Variants in BBS2 observed in about 807,000 individuals in gnomAD.
BBS2 encodes BBSome complex member BBS2.
In BBS2, 62 loss-of-function variants were observed where a neutral mutation model predicts 83.0. The ratio of observed to expected loss-of-function variants is 0.75; its 90% confidence interval spans 0.61 to 0.92. BBS2 has a LOEUF of 0.92. BBS2 is among the 40% of genes least tolerant of loss of function. The pLI, the probability that BBS2 is intolerant of heterozygous loss-of-function variation, is 0.00. For missense variants in BBS2, 784 were observed against 901.0 expected, an observed-to-expected ratio of 0.87 and a Z score of 1.66; for synonymous variants, 303 against 326.1, an observed-to-expected ratio of 0.93 and a Z score of 0.76.
intron 17 of BBS2, among the ~76,000 whole-genome samples, chr16:56,471,549 C>T (rs1963185307): frequency 6.6e-6 from 1 of 152,192 alleles, no homozygotes; most frequent in Admixed American, 6.5e-5. Flanking sequence ...TTAGATGTTT[C>T]AGCACTTACT....
chr16:56,501,455 C>T lies in BBS2; in HGVS notation c.1123G>A (p.Gly375Ser), dbSNP rs1018314879. ...AGCCTGGTATTGGCTGGGATTATGC[C>T]CCGATGCCCATCAGCCTCGTTCAGT... ...SPLNEADGHR[G>S]IIPANTRLHT... Residue 375 changes from glycine (G) to serine (S), a missense_variant, in exon 10 of 17, where the codon GGC becomes AGC. Gly to Ser is a moderately conservative substitution (Grantham distance 56, BLOSUM62 0). Coordinates refer to ENST00000245157, the MANE Select transcript of BBS2 (RefSeq NM_031885.5). 1.2e-6 allele frequency: 2 copies of T among 1,614,068 alleles called. No homozygotes were observed. Among genetic ancestry groups the T allele is most frequent in the Middle Eastern group, 1.6e-4 (1 of 6,062 alleles).
At position 56,497,991 on chromosome 16, in the gene BBS2, T is replaced by C. The variant is rs1384003302; in HGVS notation, c.1660-111A>G. 6.3e-6 allele frequency: 7 copies of C among 1,119,534 alleles called. No individual in the cohort carries two copies. The East Asian group carries it at 1.2e-4, about 20-fold the overall frequency. 69.4% of individuals were successfully genotyped at this position (1,119,534 alleles called of 1,614,324 possible). ...AACAAAATTATTGTGCATATATATA[T>C]ATATGCAGTGTTGAAAAAGGAAAGT... On this transcript the variant is annotated intron_variant, in intron 13 of 16. Coordinates refer to ENST00000245157, the MANE Select transcript of BBS2 (RefSeq NM_031885.5).
chr16:56,516,957 T>C (rs1964768275), intron 1 of BBS2, among the ~76,000 whole-genome samples: 1 of 152,164 alleles, frequency 6.6e-6, no homozygotes, highest in Non-Finnish European at 1.5e-5. Context: ...AAAGTATCCA[T>C]CCAGTTACAC....
intron 1 of BBS2, 95 bp downstream of exon 1, chr16:56,519,651 G>GCGGGGTCGGAGAGGGGA (rs1964860410): frequency 1.0e-6 from 1 of 980,528 alleles, no homozygotes; most frequent in South Asian, 1.4e-5. Flanking sequence ...CGGGCTGGGG[G>GCGGGGTCGGAGAGGGGA]CGGGGTCGGA....
intron 12 of BBS2, 96 bp from the exon 13 acceptor site, chr16:56,498,664 A>T (rs749788689): frequency 2.5e-6 from 4 of 1,589,674 alleles, no homozygotes; most frequent in Non-Finnish European, 3.4e-6. Flanking sequence ...GCCATTCTTG[A>T]GGGAAGAGTT....
At chr16:56,509,621 G>A (rs1964521069) in intron 5 of BBS2, 1 of 275,878 alleles carries the variant, frequency 3.6e-6, no homozygotes, top group East Asian at 8.1e-5. Context: ...TTCATATAAA[G>A]TACTTAGAGC....
chr16:56,476,320 A>C, intron 17 of BBS2: 3 of 964,904 alleles, frequency 3.1e-6, no homozygotes. Flanking sequence ...CAGTGTTCTT[A>C]AAACTGGTTG....
At chr16:56,506,346 T>G in intron 5 of BBS2, 122 bp from the exon 6 acceptor site, 4 of 739,972 alleles carry the variant, frequency 5.4e-6, no homozygotes, top group African/African-American at 1.7e-5. Flanking sequence ...TTAAAAGCGC[T>G]TCCAATCCAT....
At chr16:56,496,085 C>T (rs1326428175) in intron 15 of BBS2, among the ~76,000 whole-genome samples, 1 of 151,928 alleles carries the variant, frequency 6.6e-6, no homozygotes, top group Non-Finnish European at 1.5e-5. Context: ...AATTATTTGC[C>T]AATAATTCAG....
At chr16:56,498,960 A>G in intron 12 of BBS2, 1 of 322,924 alleles carries the variant, frequency 3.1e-6, no homozygotes, top group Non-Finnish European at 6.0e-6. Flanking sequence ...TAGCGTGCTT[A>G]AAACCATTCC....
At chr16:56,500,688 C>A in intron 11 of BBS2, 166 bp downstream of exon 11, 4 of 564,370 alleles carry the variant, frequency 7.1e-6, no homozygotes, top group South Asian at 2.3e-5. Flanking sequence ...TTTCTTTTTA[C>A]AGGTTTCAAA....
Position 56,484,838 on chromosome 16 carries a change from C to T in BBS2, c.2089G>A (p.Ala697Thr). 1 of 1,614,008 alleles carries T rather than the reference C, an allele frequency of 6.2e-7. No homozygotes were observed. Among genetic ancestry groups the T allele is most frequent in the Non-Finnish European group, 8.5e-7 (1 of 1,179,918 alleles). Reference sequence around the variant, plus strand: ...TTGCTTCGAATTGCATCCCGACAAGCAGTGATCACCTGGTTCTTTGGTTTT... The same window carrying T: ...TTGCTTCGAATTGCATCCCGACAAGTAGTGATCACCTGGTTCTTTGGTTTT... ...VGKPKNQVIT[A>T]CRDAIRSNNI... The change falls in exon 17 of 17, where the codon GCT becomes ACT. Residue 697 changes from alanine to threonine, a missense_variant. By Grantham distance (58) the Ala-to-Thr change is moderately conservative. Coordinates refer to ENST00000245157, the MANE Select transcript of BBS2 (RefSeq NM_031885.5).
At chr16:56,492,079 T>A (rs905273669) in intron 15 of BBS2, among the ~76,000 whole-genome samples, 69 of 151,462 alleles carry the variant, frequency 4.6e-4, no homozygotes, top group South Asian at 2.5e-3. Context: ...AATTTTTAAT[T>A]TTTAATGATT....
downstream of BBS2, among the ~76,000 whole-genome samples, chr16:56,479,828 T>C (rs1374547029): frequency 2.0e-5 from 3 of 152,082 alleles, no homozygotes; most frequent in Admixed American, 2.0e-4. Flanking sequence ...CTGTGAAGGG[T>C]CTCAGTTTCA....
intron 15 of BBS2, among the ~76,000 whole-genome samples, chr16:56,488,402 C>T (rs1597004039): frequency 1.3e-5 from 2 of 152,136 alleles, no homozygotes; most frequent in East Asian, 3.9e-4. Context: ...GTTCCCATGA[C>T]CCCCTCTGTG....
At chr16:56,510,821 G>A (rs1964555186) in intron 4 of BBS2, 38 bp downstream of exon 4, 1 of 1,605,782 alleles carries the variant, frequency 6.2e-7, no homozygotes, top group South Asian at 1.1e-5. Context: ...AATTCATTTG[G>A]CTGAACACAC....
rs1371053476 is a variant in BBS2 at position 56,497,711 on chromosome 16, T to G, written c.1797+32A>C. On this transcript the variant is annotated intron_variant, in intron 14 of 16. Transcript: ENST00000245157. ...CCTCAAATATTATTAGACTACCACA[T>G]TCTCACAAATGCATCTACCGCATTC... 3 of 1,610,710 alleles carry G rather than the reference T, an allele frequency of 1.9e-6. No individual in the cohort carries two copies. The African/African-American group carries it at 4.0e-5, about 22-fold the overall frequency.
intron 1 of BBS2, among the ~76,000 whole-genome samples, chr16:56,518,429 C>T (rs1272063995): frequency 6.6e-6 from 1 of 152,158 alleles, no homozygotes; most frequent in Non-Finnish European, 1.5e-5. Context: ...AAAGTGAGAA[C>T]CATAAAAAGA....
chr16:56,485,321 CT>C (rs1372339687), intron 16 of BBS2, among the ~76,000 whole-genome samples: 6 of 151,748 alleles, frequency 4.0e-5, no homozygotes, highest in African/African-American at 1.5e-4. Context: ...TATATATTTC[CT>C]TTGGGTTATA....
Sources: gnomAD v4.1 joint callset for allele counts (sites outside exome capture counted in the v4.1 genomes callset) on GRCh38, gnomAD v4.1.1 for gene constraint, MANE v1.5 for transcripts, NCBI Gene and HGNC (gene_info 2026-07-23, HGNC 2026-07-21) for gene names.